The following OTUD4 variants were observed in gnomAD, a reference collection of about 807,000 sequenced individuals.
OTUD4 encodes the protein OTU domain-containing protein 4.
A neutral mutation model predicts 130.4 loss-of-function variants in OTUD4; 24 were observed. The observed-to-expected ratio is 0.18, with a 90% CI of 0.13 to 0.26. OTUD4 has a LOEUF of 0.26. Ranked by LOEUF, OTUD4 falls within the 10% of genes least tolerant of loss-of-function variation. The pLI is 1.00. For missense variants in OTUD4, 1,031 were observed against 1,329.4 expected, an observed-to-expected ratio of 0.78 and a Z score of 3.49; for synonymous variants, 420 against 472.5, an observed-to-expected ratio of 0.89 and a Z score of 1.44.
intron 3 of OTUD4, among the ~76,000 whole-genome samples, chr4:145,166,614 G>A (rs189377938): frequency 7.2e-5 from 11 of 152,248 alleles, no homozygotes; most frequent in African/African-American, 2.2e-4. Flanking sequence ...GGCCGAGACA[G>A]GCAGATCACG....
chr4:145,158,847 A>G (rs773380813), intron 7 of OTUD4, among the ~76,000 whole-genome samples: 2 of 152,214 alleles, frequency 1.3e-5, no homozygotes, highest in Non-Finnish European at 2.9e-5. Context: ...TACTGATTAT[A>G]TCCTAATTTT....
chr4:145,169,587 C>T (rs556425863), intron 3 of OTUD4, among the ~76,000 whole-genome samples: 6 of 152,134 alleles, frequency 3.9e-5, no homozygotes, highest in African/African-American at 7.2e-5. Context: ...CAGGTTCAAG[C>T]GATTCTCCTG....
intron 14 of OTUD4, 80 bp downstream of exon 14, chr4:145,146,187 T>G: frequency 1.1e-6 from 1 of 871,840 alleles, no homozygotes. Context: ...AGTTTACCCT[T>G]GGGAACTATG....
chr4:145,146,295 C>T lies in OTUD4; in HGVS notation c.1394G>A (p.Arg465Lys), dbSNP rs1750820389. 6.4e-7 allele frequency: 1 copy of T among 1,573,420 alleles called. No individual in the cohort carries two copies. The highest frequency in any genetic ancestry group is 1.4e-5 in the African/African-American group (1 of 72,798). The change falls in exon 14 of 21, where the codon AGA becomes AAA. Residue 465 changes from arginine (R) to lysine (K), a missense_variant. By Grantham distance (26) the Arg-to-Lys change is conservative (BLOSUM62 2). Transcript: ENST00000447906. ...AAGGGCTGGGAAAGCCTGTTCATCT[C>T]TGTTCTGAATCTCATAGAGTAAACG... The part of the protein sequence containing the change: ...ESRLLYEIQN[R>K]DEQAFPALSS...
At chr4:145,150,263 T>A (rs529130492) in intron 13 of OTUD4, among the ~76,000 whole-genome samples, 74 of 152,310 alleles carry the variant, frequency 4.9e-4, no homozygotes, top group South Asian at 1.9e-3. Flanking sequence ...TGGGCTAGAA[T>A]AAGATCTCCC....
At chr4:145,149,687 A>G (rs1235848057) in intron 13 of OTUD4, 1 of 152,216 alleles carries the variant, frequency 6.6e-6, no homozygotes, top group Non-Finnish European at 1.5e-5. Flanking sequence ...GTGCATTCAC[A>G]AAAAAAGGAA....
chr4:145,179,377 T>A (rs1752578457), intron 1 of OTUD4, among the ~76,000 whole-genome samples: 1 of 152,154 alleles, frequency 6.6e-6, no homozygotes, highest in South Asian at 2.1e-4. Flanking sequence ...CAAACCAAAA[T>A]ATGTTCCACA....
At chr4:145,158,729 C>T (rs1170214705) in intron 7 of OTUD4, among the ~76,000 whole-genome samples, 4 of 152,072 alleles carry the variant, frequency 2.6e-5, no homozygotes, top group Admixed American at 6.5e-5. Context: ...GAGTAAACAT[C>T]CTAATATAAC....
chr4:145,159,048 T>TC (rs1751429554), intron 7 of OTUD4: 8 of 460,032 alleles, frequency 1.7e-5, no homozygotes, highest in Non-Finnish European at 2.3e-5. Context: ...AGAGGCATTA[T>TC]CCAGGTGTTC....
chr4:145,177,348 G>A (rs776206746), intron 1 of OTUD4, among the ~76,000 whole-genome samples: 3 of 152,200 alleles, frequency 2.0e-5, no homozygotes, highest in Non-Finnish European at 4.4e-5. Context: ...CAATCTATCT[G>A]AACCTGTTGC....
At chr4:145,150,449 G>A in intron 13 of OTUD4, 64 bp downstream of exon 13, 2 of 1,097,642 alleles carry the variant, frequency 1.8e-6, no homozygotes, top group Non-Finnish European at 1.4e-6. Context: ...TGCACATAAT[G>A]TGGCAAATAT....
intron 15 of OTUD4, 56 bp from the exon 16 acceptor site, chr4:145,144,057 C>G (rs1750708011): frequency 2.2e-6 from 3 of 1,362,178 alleles, no homozygotes; most frequent in Non-Finnish European, 3.1e-6. Flanking sequence ...TGTCTGAACA[C>G]AGAAGAACAA....
At chr4:145,169,596 T>C (rs1752051806) in intron 3 of OTUD4, among the ~76,000 whole-genome samples, 1 of 152,194 alleles carries the variant, frequency 6.6e-6, no homozygotes, top group African/African-American at 2.4e-5. Flanking sequence ...GCGATTCTCC[T>C]GCCTTGGCCT....
At chr4:145,144,028 C>A (rs1323860725) in intron 15 of OTUD4, 27 bp from the exon 16 acceptor site, 3 of 1,554,080 alleles carry the variant, frequency 1.9e-6, no homozygotes, top group Non-Finnish European at 1.8e-6. Context: ...TTAAAAAAGA[C>A]AGCATAAGCC....
Position 145,134,898 on chromosome 4 carries a change from A to G in OTUD4, c.*2532T>C. The G allele has an allele frequency of 2.5e-6, 1 of 398,934 alleles. No homozygotes were observed. The highest frequency in any genetic ancestry group is 4.4e-6 in the Non-Finnish European group (1 of 225,946). The allele number at this position is 398,934 out of a possible 1,614,324, so 24.7% of individuals were successfully genotyped here. On this transcript the variant is annotated 3_prime_UTR_variant, in exon 21 of 21. Coordinates refer to ENST00000447906, the MANE Select transcript of OTUD4 (RefSeq NM_001366057.1). ...TGATCATAATATGGTGAAGTTTCATAATTTCCAACTCAAAAATACAAATGA... is the reference window on the plus strand; with the variant it reads ...TGATCATAATATGGTGAAGTTTCATGATTTCCAACTCAAAAATACAAATGA...
Position 145,137,505 on chromosome 4 carries a change from A to T in OTUD4, c.3270T>A (p.Asn1090Lys). The T allele has an allele frequency of 1.9e-6, 3 of 1,612,172 alleles. No individual in the cohort carries two copies. Among genetic ancestry groups the T allele is most frequent in the Non-Finnish European group, 2.5e-6 (3 of 1,178,956 alleles). Residue 1090 changes from asparagine (N) to lysine (K), a missense_variant, in exon 21 of 21, where the codon AAT (asparagine) becomes AAA (lysine). Asn to Lys is a moderately conservative substitution (Grantham distance 94, BLOSUM62 0). Transcript: ENST00000447906. ...CTCCCCTAAATGGTCGCCCTCTGAC[A>T]TTTCGATGGTACTGATAACCTTCAT... ...SRDEGYQYHR[N>K]VRGRPFRGDR...
intron 1 of OTUD4, among the ~76,000 whole-genome samples, chr4:145,179,303 G>A (rs546368749): frequency 5.3e-5 from 8 of 152,294 alleles, no homozygotes; most frequent in Admixed American, 2.6e-4. Flanking sequence ...TCAAACGGCA[G>A]TTTGCCCATT....
chr4:145,156,567 T>G (rs981614266), intron 7 of OTUD4, among the ~76,000 whole-genome samples: 1 of 151,448 alleles, frequency 6.6e-6, no homozygotes, highest in Non-Finnish European at 1.5e-5. Context: ...GCTGTAATCC[T>G]AGCTACTCGG....
intron 2 of OTUD4, among the ~76,000 whole-genome samples, chr4:145,172,702 C>A (rs1752236909): frequency 6.6e-6 from 1 of 152,026 alleles, no homozygotes; most frequent in African/African-American, 2.4e-5. Flanking sequence ...GATTGAGATT[C>A]TTTCATAGAT....
Sources: gnomAD v4.1 joint callset for allele counts (sites outside exome capture counted in the v4.1 genomes callset) on GRCh38, gnomAD v4.1.1 for gene constraint, MANE v1.5 for transcripts, NCBI Gene and HGNC (gene_info 2026-07-23, HGNC 2026-07-21) for gene names.